The following PVR variants were observed in gnomAD, a reference collection of about 807,000 sequenced individuals.
The protein encoded by PVR is poliovirus receptor.
Under a neutral mutation model 43.3 loss-of-function variants are expected in PVR, and 39 were observed. The observed-to-expected ratio is 0.90, with a 90% CI of 0.70 to 1.18. PVR has a LOEUF of 1.18. PVR is among the 50% of genes most tolerant of loss of function. The probability of loss-of-function intolerance (pLI) is 0.00; values close to 1 mark genes in which losing one functional copy is unlikely to be tolerated. For synonymous variants in PVR, 224 were observed against 233.2 expected, an observed-to-expected ratio of 0.96 and a Z score of 0.36; for missense variants, 480 against 549.7, an observed-to-expected ratio of 0.87 and a Z score of 1.27.
chr19:44,659,102 G>A (rs372134533), intron 6 of PVR: 60 of 543,480 alleles, frequency 1.1e-4, no homozygotes, highest in East Asian at 8.6e-4. Context: ...GGAGAAGAGC[G>A]TATAGGGTCT....
At chr19:44,646,121 C>T (rs1973108040) in intron 1 of PVR, among the ~76,000 whole-genome samples, 1 of 152,058 alleles carries the variant, frequency 6.6e-6, no homozygotes, top group Non-Finnish European at 1.5e-5. Context: ...TGTGAAGCAC[C>T]CAGAATAGCC....
Position 44,655,956 on chromosome 19 carries a change from A to C in PVR, c.843-1806A>C, listed in dbSNP as rs1224493827. Among the ~76,000 whole-genome samples the C allele has an allele frequency of 1.7e-4, 24 of 144,330 alleles. No homozygotes were observed. The Admixed American group carries it at 1.7e-3, about 10-fold the overall frequency. The allele number at this position is 144,330 out of a possible 152,430, so 94.7% of individuals were successfully genotyped here. A position where few individuals can be genotyped will look rare whatever the true frequency, so the allele number is the denominator to read the frequency against. On this transcript the variant is annotated intron_variant, in intron 4 of 7. Transcript: ENST00000425690. ...ACAATCACAGCTCACTGCAGCCTTGAATTCCTGGGCTCAAGCGATCCTCCA... is the reference window on the plus strand; with the variant it reads ...ACAATCACAGCTCACTGCAGCCTTGCATTCCTGGGCTCAAGCGATCCTCCA...
chr19:44,643,917 T>G lies in PVR; in HGVS notation c.-180T>G, dbSNP rs1599753809. ...CCAACTCCCCTCCGCTCCAGTCACTTGTCTGGAGCTTGAAGAAGTGGGTAT... is the reference window on the plus strand; with the variant it reads ...CCAACTCCCCTCCGCTCCAGTCACTGGTCTGGAGCTTGAAGAAGTGGGTAT... On this transcript the variant is annotated 5_prime_UTR_variant, in exon 1 of 8. Coordinates refer to ENST00000425690, the MANE Select transcript of PVR (RefSeq NM_006505.5). 3.8e-6 allele frequency: 2 copies of G among 527,202 alleles called. No individual in the cohort carries two copies. The highest frequency in any genetic ancestry group is 3.3e-6 in the Non-Finnish European group (1 of 306,216). The allele number at this position is 527,202 out of a possible 1,614,324, so 32.7% of individuals were successfully genotyped here.
rs754568041 is a variant in PVR at position 44,661,763 on chromosome 19, CAG to C, written c.1212_1213del (p.Asn405GlnfsTer134). ...NGHVSYSAVS[R>X]ENSSSQDPQT... Reference sequence around the variant, plus strand: ...AGCATGTCTCCTATTCAGCTGTGAGCAGAGAGAACAGCTCTTCCCAGGATCCA... The same window carrying C: ...AGCATGTCTCCTATTCAGCTGTGAGCAGAGAACAGCTCTTCCCAGGATCCA... On this transcript the variant is annotated frameshift_variant, in exon 8 of 8. Coordinates refer to ENST00000425690, the MANE Select transcript of PVR (RefSeq NM_006505.5). LOFTEE classifies it low-confidence loss of function (END_TRUNC). 23 of 1,613,912 alleles carry C rather than the reference CAG, an allele frequency of 1.4e-5. No homozygotes were observed. The highest frequency in any genetic ancestry group is 1.9e-5 in the Non-Finnish European group (22 of 1,179,956).
rs753141080 is a variant in PVR at position 44,653,712 on chromosome 19, A to T, written c.725-188A>T. On this transcript the variant is annotated intron_variant, in intron 3 of 7. Transcript: ENST00000425690. ...CCTCAGAAGCCTTCTCCATGTCCCC[A>T]CTGACCAAGGACTCCTAGGCTTCTG... 7 of 566,138 alleles carry T rather than the reference A, an allele frequency of 1.2e-5. No individual in the cohort carries two copies. In the East Asian group the frequency reaches 1.9e-4, roughly 15 times the overall value. The allele number at this position is 566,138 out of a possible 1,614,324, so 35.1% of individuals were successfully genotyped here. A position where few individuals can be genotyped will look rare whatever the true frequency, so the allele number is the denominator to read the frequency against.
In PVR at chr19:44,647,256, C is replaced by G. The variant is rs1414330505; in HGVS notation, c.113C>G (p.Pro38Arg). Residue 38 changes from proline (P) to arginine (R), a missense_variant, in exon 2 of 8, where the codon CCC (proline) becomes CGC (arginine). Coordinates refer to ENST00000425690, the MANE Select transcript of PVR (RefSeq NM_006505.5). ...DVVVQAPTQV[P>R]GFLGDSVTLP... is the part of the protein sequence containing the mutation. ...GTCGTGCAGGCGCCCACCCAGGTGC[C>G]CGGCTTCTTGGGCGACTCCGTGACG... 1.3e-6 allele frequency: 2 copies of G among 1,553,118 alleles called. No individual in the cohort carries two copies. The highest frequency in any genetic ancestry group is 2.7e-5 in the African/African-American group (2 of 73,252).
At chr19:44,661,467 G>A in intron 7 of PVR, 144 bp downstream of exon 7, 1 of 914,462 alleles carries the variant, frequency 1.1e-6, no homozygotes, top group East Asian at 2.6e-5. Context: ...CTTCCTGCTG[G>A]GCGGAATCCC....
intron 3 of PVR, among the ~76,000 whole-genome samples, 170 bp downstream of exon 3, chr19:44,650,275 G>T (rs905055745): frequency 6.6e-6 from 1 of 152,120 alleles, no homozygotes; most frequent in Non-Finnish European, 1.5e-5. Flanking sequence ...CCCCTGGGCC[G>T]TAAACAACAC....
chr19:44,648,385 C>T (rs1973188278), intron 2 of PVR, among the ~76,000 whole-genome samples: 2 of 152,152 alleles, frequency 1.3e-5, no homozygotes, highest in Non-Finnish European at 2.9e-5. Flanking sequence ...TTTTCATGAG[C>T]TCCATGAAGC....
rs139429970 is a variant in PVR at position 44,662,259 on chromosome 19, G to GT, written c.*454dup. 1 of 175,518 alleles carries GT rather than the reference G, an allele frequency of 5.7e-6. No individual in the cohort carries two copies. Among genetic ancestry groups the GT allele is most frequent in the South Asian group, 1.4e-4 (1 of 7,214 alleles). The allele number at this position is 175,518 out of a possible 1,614,324, so 10.9% of individuals were successfully genotyped here. A position where few individuals can be genotyped will look rare whatever the true frequency, so the allele number is the denominator to read the frequency against. On this transcript the variant is annotated 3_prime_UTR_variant, in exon 8 of 8. Coordinates refer to ENST00000425690, the MANE Select transcript of PVR (RefSeq NM_006505.5). ...CTCACTCGAGATCTTTGTGTCCAGAGTTTTTTGTTTGTCTTGAGACAGGGT... is the reference window on the plus strand; with the variant it reads ...CTCACTCGAGATCTTTGTGTCCAGAGTTTTTTTGTTTGTCTTGAGACAGGGT...
rs1181912311 is a variant in PVR at position 44,660,616 on chromosome 19, A to G, written c.1151-676A>G. 2.6e-5 allele frequency among the ~76,000 whole-genome samples: 4 copies of G among 152,054 alleles called. No homozygotes were observed. The East Asian group carries it at 7.7e-4, about 29-fold the overall frequency. ...TGGCTCACTGCAGCCTCAACCTCCC[A>G]GGCTCAGGTGATTCTCCCACCTCAG... On this transcript the variant is annotated intron_variant, in intron 6 of 7. Coordinates refer to ENST00000425690, the MANE Select transcript of PVR (RefSeq NM_006505.5).
chr19:44,654,112 A>AGAAG, intron 4 of PVR, 95 bp downstream of exon 4: 1 of 1,054,048 alleles, frequency 9.5e-7, no homozygotes, highest in South Asian at 1.4e-5. Context: ...GGACTGAGGG[A>AGAAG]GAAGGGGCTG....
chr19:44,649,630 A>G (rs1221871028), intron 2 of PVR, among the ~76,000 whole-genome samples, 179 bp from the exon 3 acceptor site: 1 of 152,050 alleles, frequency 6.6e-6, no homozygotes, highest in Non-Finnish European at 1.5e-5. Context: ...CATGTTGGCC[A>G]GGCTGGTCTC....
rs1973642543 is a variant in PVR, at chr19:44,663,731, G to A, written c.*1920G>A. 6.6e-6 allele frequency: 1 copy of A among 150,744 alleles called. No individual in the cohort carries two copies. The highest frequency in any genetic ancestry group is 2.4e-5 in the African/African-American group (1 of 41,250). The allele number at this position is 150,744 out of a possible 1,614,324, so 9.3% of individuals were successfully genotyped here. On this transcript the variant is annotated 3_prime_UTR_variant, in exon 8 of 8. Coordinates refer to ENST00000425690, the MANE Select transcript of PVR (RefSeq NM_006505.5). ...GGGCTGGGATTCCCAGGCACCTTAG[G>A]AACAGCTTGTCTTTTTTTTTTTCCT...
chr19:44,656,530 A>G (rs549910234), intron 4 of PVR, among the ~76,000 whole-genome samples: 11 of 152,324 alleles, frequency 7.2e-5, no homozygotes, highest in Non-Finnish European at 1.0e-4. Context: ...GCCGGGTGCA[A>G]TTAACCAACA....
At position 44,647,219 on chromosome 19, in the gene PVR, GCAGGGGACGTCGT is replaced by G. The variant is rs1326536213; in HGVS notation, c.80-2_90del. On this transcript the variant is annotated splice_acceptor_variant and splice_polypyrimidine_tract_variant and coding_sequence_variant and intron_variant, in exon 2 of 8. Transcript: ENST00000425690. LOFTEE classifies it high-confidence loss of function. Reference sequence around the variant, plus strand: ...TCTGACACCTTCTCTTCGGTTCTCCGCAGGGGACGTCGTCGTGCAGGCGCCCACCCAGGTGCCC... The same window carrying G: ...TCTGACACCTTCTCTTCGGTTCTCCGCGTGCAGGCGCCCACCCAGGTGCCC... 1 of 1,532,592 alleles carries G rather than the reference GCAGGGGACGTCGT, an allele frequency of 6.5e-7. No individual in the cohort carries two copies. Among genetic ancestry groups the G allele is most frequent in the Non-Finnish European group, 8.8e-7 (1 of 1,135,270 alleles). The allele number at this position is 1,532,592 out of a possible 1,614,324, so 94.9% of individuals were successfully genotyped here.
At position 44,660,199 on chromosome 19, in the gene PVR, G is replaced by A. The variant is rs369836414; in HGVS notation, c.1151-1093G>A. Among the ~76,000 whole-genome samples, 10 of 152,240 alleles carry A rather than the reference G, an allele frequency of 6.6e-5. No individual in the cohort carries two copies. The East Asian group carries it at 1.2e-3, about 18-fold the overall frequency. ...CCCCAGGACCGCCTACCACTGGGCCGGGCATAAAAGAGGCACTCGAGGAAG... is the reference window on the plus strand; with the variant it reads ...CCCCAGGACCGCCTACCACTGGGCCAGGCATAAAAGAGGCACTCGAGGAAG... On this transcript the variant is annotated intron_variant, in intron 6 of 7. Coordinates refer to ENST00000425690, the MANE Select transcript of PVR (RefSeq NM_006505.5).
chr19:44,658,777 A>G lies in PVR; in HGVS notation c.1027A>G (p.Asn343Asp). 2.5e-6 allele frequency: 4 copies of G among 1,612,136 alleles called. No homozygotes were observed. Among genetic ancestry groups the G allele is most frequent in the Non-Finnish European group, 3.4e-6 (4 of 1,178,168 alleles). The change falls in exon 6 of 8, where the codon AAC (asparagine) becomes GAC (aspartate). Residue 343 changes from asparagine (N) to aspartate (D), a missense_variant. Physicochemically the swap from Asn to Asp is conservative, Grantham distance 23 (BLOSUM62 1). Transcript: ENST00000425690. ...CAGTGAGCACTCAGGCATGTCCCGTAACGCCATCATCTTCCTGGTTCTGGG... is the reference window on the plus strand; with the variant it reads ...CAGTGAGCACTCAGGCATGTCCCGTGACGCCATCATCTTCCTGGTTCTGGG... ...PPSEHSGMSRNAIIFLVLGIL... is the reference protein window; with the variant it reads ...PPSEHSGMSRDAIIFLVLGIL...
intron 1 of PVR, among the ~76,000 whole-genome samples, chr19:44,645,415 G>GTATATA (rs71171276): frequency 0.054 from 4,503 of 83,634 alleles, 169 homozygotes; most frequent in Non-Finnish European, 0.062. Context: ...TATGTTTTGT[G>GTATATA]TATATATATA....
Sources: gnomAD v4.1 joint callset for allele counts (sites outside exome capture counted in the v4.1 genomes callset) on GRCh38, gnomAD v4.1.1 for gene constraint, MANE v1.5 for transcripts, NCBI Gene and HGNC (gene_info 2026-07-23, HGNC 2026-07-21) for gene names.